Variants in STK4 observed in about 807,000 individuals in gnomAD.
STK4 encodes the protein serine/threonine-protein kinase 4.
STK4 carries 30 observed loss-of-function variants against 64.9 expected under a neutral mutation model. The observed-to-expected ratio is 0.46, with a 90% confidence interval of 0.35 to 0.63. The LOEUF (loss-of-function observed/expected upper bound fraction) is 0.63, where lower values mean the gene tolerates loss of function less well. Among genes scored for constraint, STK4 ranks in the 20% least tolerant of loss-of-function variants. The pLI is 0.01. For missense variants in STK4, 466 were observed against 598.5 expected (o/e 0.78, Z 2.31); for synonymous variants, 177 against 199.0 (o/e 0.89, Z 0.93).
chr20:44,974,270 T>C (rs1457340258), intron 2 of STK4: 1 of 152,176 alleles, frequency 6.6e-6, no homozygotes, highest in Non-Finnish European at 1.5e-5. Flanking sequence ...AATTTCCCTA[T>C]GAAGATATCA....
intron 4 of STK4, among the ~76,000 whole-genome samples, chr20:44,985,026 T>C (rs2067508348): frequency 6.6e-6 from 1 of 152,182 alleles, no homozygotes. Flanking sequence ...GCAGTGCTAC[T>C]TCAACTGATT....
intron 10 of STK4, among the ~76,000 whole-genome samples, chr20:45,028,083 A>G (rs6130731): frequency 0.12 from 18,946 of 152,282 alleles, 1,545 homozygotes; most frequent in East Asian, 0.22. Context: ...GAGTTTAGAT[A>G]TCTTGTTGAT....
intron 10 of STK4, among the ~76,000 whole-genome samples, chr20:45,052,739 A>G (rs1978293908): frequency 6.6e-6 from 1 of 152,034 alleles, no homozygotes; most frequent in African/African-American, 2.4e-5. Flanking sequence ...TTTCTGGACA[A>G]TCTCCATGCT....
intron 9 of STK4, among the ~76,000 whole-genome samples, chr20:45,021,971 C>T (rs1356393883): frequency 6.6e-6 from 1 of 152,158 alleles, no homozygotes; most frequent in African/African-American, 2.4e-5. Flanking sequence ...CTTCTTTTTG[C>T]AGATTGGGAA....
At chr20:45,064,112 G>GC (rs1254637065) in intron 10 of STK4, among the ~76,000 whole-genome samples, 4 of 152,014 alleles carry the variant, frequency 2.6e-5, no homozygotes, top group Admixed American at 6.6e-5. Context: ...CCGGCCAAGG[G>GC]GGGGGGTCCA....
At chr20:45,013,159 A>G (rs907280463) in intron 9 of STK4, among the ~76,000 whole-genome samples, 6 of 151,730 alleles carry the variant, frequency 4.0e-5, no homozygotes, top group Non-Finnish European at 7.4e-5. Flanking sequence ...GGTAGTGGAC[A>G]TTCTTGTCTT....
chr20:44,990,915 T>TA (rs2067621569), intron 5 of STK4, among the ~76,000 whole-genome samples: 1 of 152,188 alleles, frequency 6.6e-6, no homozygotes. Context: ...GGGTTGGTGT[T>TA]AAAATCAGGT....
At chr20:44,972,199 T>G in intron 2 of STK4, 41 bp downstream of exon 2, 1 of 1,546,222 alleles carries the variant, frequency 6.5e-7, no homozygotes, top group Non-Finnish European at 8.9e-7. Flanking sequence ...TGGGTCCCAG[T>G]CTTTTTCCTG....
At chr20:44,986,455 G>C (rs945433666) in intron 4 of STK4, among the ~76,000 whole-genome samples, 1 of 152,226 alleles carries the variant, frequency 6.6e-6, no homozygotes, top group Non-Finnish European at 1.5e-5. Context: ...AGTGGTAAAA[G>C]ATGAAGTTAA....
At chr20:44,985,033 G>A (rs558757097) in intron 4 of STK4, among the ~76,000 whole-genome samples, 2 of 152,264 alleles carry the variant, frequency 1.3e-5, no homozygotes, top group South Asian at 2.1e-4. Flanking sequence ...TACTTCAACT[G>A]ATTAACTTAA....
At chr20:45,017,945 A>C (rs981179778) in intron 9 of STK4, among the ~76,000 whole-genome samples, 5 of 152,184 alleles carry the variant, frequency 3.3e-5, no homozygotes, top group African/African-American at 1.2e-4. Context: ...GAACCTTATA[A>C]CTTATGATTC....
At chr20:45,033,333 A>G (rs955198528) in intron 10 of STK4, among the ~76,000 whole-genome samples, 1 of 152,216 alleles carries the variant, frequency 6.6e-6, no homozygotes, top group Admixed American at 6.5e-5. Flanking sequence ...TGCCTTCATC[A>G]TGAAATCTTC....
intron 5 of STK4, among the ~76,000 whole-genome samples, chr20:44,993,765 G>A (rs576296702): frequency 6.6e-6 from 1 of 152,314 alleles, no homozygotes; most frequent in African/African-American, 2.4e-5. Flanking sequence ...GATCACCTGA[G>A]GTCAGGAGTT....
In STK4 at chr20:45,076,115, C is replaced by T. The variant is rs1048140260; in HGVS notation, c.*939C>T. On this transcript the variant is annotated 3_prime_UTR_variant, in exon 11 of 11. Coordinates refer to ENST00000372806, the MANE Select transcript of STK4 (RefSeq NM_006282.5). The surrounding 1 kb of genome is among the most constrained non-coding windows in gnomAD (Gnocchi z 4.0). The stretch of plus-strand genomic sequence containing the variant: ...GGCATGTTGCTCCACATTCCTTACA[C>T]ACAGGGGTAGAGGGGATTGCTTTTG... The T allele has an allele frequency of 2.6e-5, 4 of 152,628 alleles. No homozygotes were observed. Among genetic ancestry groups the T allele is most frequent in the African/African-American group, 9.7e-5 (4 of 41,446 alleles). 9.5% of individuals were successfully genotyped at this position (152,628 alleles called of 1,614,324 possible). A position where few individuals can be genotyped will look rare whatever the true frequency, so the allele number is the denominator to read the frequency against.
At position 45,075,332 on chromosome 20, in the gene STK4, ACAGT is replaced by A. The variant is rs1186334436; in HGVS notation, c.*160_*163del. 3 of 925,810 alleles carry A rather than the reference ACAGT, an allele frequency of 3.2e-6. No homozygotes were observed. The highest frequency in any genetic ancestry group is 4.8e-6 in the Non-Finnish European group (3 of 627,378). The allele number at this position is 925,810 out of a possible 1,614,324, so 57.3% of individuals were successfully genotyped here. ...TGCGCCAGTGGGAAGGGCTCTCTTG[ACAGT>A]CAGCGTGCCATCTTGATGTGTGTAT... On this transcript the variant is annotated 3_prime_UTR_variant, in exon 11 of 11. Transcript: ENST00000372806.
In STK4 at chr20:44,995,225, A is replaced by G; in HGVS notation, c.661A>G (p.Lys221Glu). The G allele has an allele frequency of 1.2e-6, 2 of 1,613,588 alleles. No homozygotes were observed. The highest frequency in any genetic ancestry group is 2.2e-5 in the South Asian group (2 of 90,984). The change falls in exon 6 of 11, where the codon AAG becomes GAG. Residue 221 changes from lysine to glutamate, a missense_variant. Coordinates refer to ENST00000372806, the MANE Select transcript of STK4 (RefSeq NM_006282.5). Reference protein sequence around the residue: ...GITAIEMAEGKPPYADIHPMR... With the variant: ...GITAIEMAEGEPPYADIHPMR... ...AACTGCCATAGAAATGGCTGAAGGA[A>G]AGCCCCCTTATGCTGATATCCATCC...
At position 45,075,345 on chromosome 20, in the gene STK4, C is replaced by G; in HGVS notation, c.*169C>G. The G allele has an allele frequency of 2.5e-6, 2 of 791,460 alleles. No homozygotes were observed. Among genetic ancestry groups the G allele is most frequent in the Admixed American group, 5.5e-5 (2 of 36,604 alleles). 49.0% of individuals were successfully genotyped at this position (791,460 alleles called of 1,614,324 possible). On this transcript the variant is annotated 3_prime_UTR_variant, in exon 11 of 11. Coordinates refer to ENST00000372806, the MANE Select transcript of STK4 (RefSeq NM_006282.5). ...AGGGCTCTCTTGACAGTCAGCGTGC[C>G]ATCTTGATGTGTGTATGTACATTGG...
At chr20:44,968,910 A>G (rs895941239) in intron 1 of STK4, among the ~76,000 whole-genome samples, 1 of 152,172 alleles carries the variant, frequency 6.6e-6, no homozygotes, top group African/African-American at 2.4e-5. Context: ...GGGTGGTTTA[A>G]GCAACGTAAA....
rs538020672 is a variant in STK4 at position 45,014,543 on chromosome 20, A to G, written c.1148-10430A>G. Among the ~76,000 whole-genome samples, 7 of 149,820 alleles carry G rather than the reference A, an allele frequency of 4.7e-5. No homozygotes were observed. In the South Asian group the frequency reaches 1.5e-3, roughly 32 times the overall value. ...AGTATATATTTGAAAGCAAAAAAAT[A>G]TTTTTTTTTTAGTGGCAAAGATAAC... On this transcript the variant is annotated intron_variant, in intron 9 of 10. Transcript: ENST00000372806.
Sources: gnomAD v4.1 joint callset for allele counts (sites outside exome capture counted in the v4.1 genomes callset) on GRCh38, gnomAD v4.1.1 for gene constraint, Gnocchi (gnomAD v3.1) non-coding constraint, MANE v1.5 for transcripts, NCBI Gene and HGNC (gene_info 2026-07-23, HGNC 2026-07-21) for gene names.